Variants in CEP112 observed in about 807,000 individuals in gnomAD.
CEP112 encodes centrosomal protein 112, also known as centrosomal protein of 112 kDa.
A neutral mutation model predicts 153.0 loss-of-function variants in CEP112; 127 were observed. The observed-to-expected ratio is 0.83, with a 90% CI of 0.72 to 0.96. CEP112 has a LOEUF of 0.96. CEP112 is among the 40% of genes least tolerant of loss of function. The pLI is 0.00. For missense variants in CEP112, 1,089 were observed against 1,101.2 expected (o/e 0.99, Z 0.16); for synonymous variants, 358 against 374.4 (o/e 0.96, Z 0.51).
intron 8 of CEP112, among the ~76,000 whole-genome samples, chr17:66,075,070 T>C (rs2067442270): frequency 6.6e-6 from 1 of 152,016 alleles, no homozygotes; most frequent in South Asian, 2.1e-4. Flanking sequence ...GTAAAAGGTA[T>C]TCTTAAAGAT....
chr17:65,913,679 C>T (rs1191438134), intron 19 of CEP112: 18 of 985,250 alleles, frequency 1.8e-5, no homozygotes, highest in Non-Finnish European at 2.0e-5. Context: ...GGTACCAGGG[C>T]CTGCCAGCAT....
At chr17:65,664,112 C>T (rs4791140) in intron 24 of CEP112, among the ~76,000 whole-genome samples, 28,091 of 152,120 alleles carry the variant, frequency 0.18, 3,220 homozygotes, top group East Asian at 0.43. Context: ...CTCAGTATAA[C>T]AGACATTTGG....
At chr17:65,966,586 C>T (rs2062423411) in intron 17 of CEP112, among the ~76,000 whole-genome samples, 1 of 152,180 alleles carries the variant, frequency 6.6e-6, no homozygotes, top group Non-Finnish European at 1.5e-5. Flanking sequence ...ATGCCCTTTC[C>T]AGCTGGGCTG....
intron 1 of CEP112, among the ~76,000 whole-genome samples, chr17:66,190,771 A>G (rs902421991): frequency 7.9e-5 from 12 of 152,162 alleles, no homozygotes; most frequent in African/African-American, 2.9e-4. Context: ...TACCTACCCT[A>G]CAGTCAGCAA....
chr17:65,743,330 T>C (rs1415726782), intron 22 of CEP112, 113 bp from the exon 23 acceptor site: 2 of 778,498 alleles, frequency 2.6e-6, no homozygotes, highest in African/African-American at 3.5e-5. Flanking sequence ...TTCCACAAAT[T>C]AAATATTTTC....
chr17:65,817,156 C>T (rs1050309370), intron 21 of CEP112, among the ~76,000 whole-genome samples: 10 of 151,782 alleles, frequency 6.6e-5, no homozygotes, highest in African/African-American at 2.4e-4. Context: ...ATATATTATA[C>T]AAAATTAATT....
intron 8 of CEP112, among the ~76,000 whole-genome samples, chr17:66,072,578 A>T (rs367826102): frequency 3.3e-5 from 5 of 152,316 alleles, no homozygotes; most frequent in Admixed American, 6.5e-5. Context: ...GGCAAGAATG[A>T]CACTAAAGTG....
chr17:65,645,949 C>G (rs1451191146), intron 24 of CEP112, among the ~76,000 whole-genome samples: 1 of 152,204 alleles, frequency 6.6e-6, no homozygotes, highest in Non-Finnish European at 1.5e-5. Flanking sequence ...TACACTTTGA[C>G]CAAATCTATG....
chr17:66,159,662 TA>T (rs2071609947), intron 4 of CEP112, among the ~76,000 whole-genome samples: 2 of 152,162 alleles, frequency 1.3e-5, no homozygotes, highest in Non-Finnish European at 2.9e-5. Context: ...CCCTTCATGC[TA>T]AAAACTCTCA....
intron 12 of CEP112, among the ~76,000 whole-genome samples, chr17:66,032,048 G>A (rs1185657724): frequency 6.6e-6 from 1 of 152,038 alleles, no homozygotes; most frequent in Non-Finnish European, 1.5e-5. Flanking sequence ...AGATGGAGTT[G>A]CACTCTGTCC....
At chr17:66,132,021 T>C (rs2070193028) in intron 5 of CEP112, among the ~76,000 whole-genome samples, 1 of 150,938 alleles carries the variant, frequency 6.6e-6, no homozygotes, top group African/African-American at 2.4e-5. Context: ...ATACAAAAAT[T>C]AGCCAGGCAT....
Position 65,750,707 on chromosome 17 carries a change from C to T in CEP112, c.2412G>A (p.Lys804=). Residue 804 remains lysine, a synonymous_variant, in exon 22 of 27, where the codon AAG becomes AAA. Transcript: ENST00000535342. ...TCTGAGTGTATTCCTTCTCAATCTG[C>T]TTCAGCTTGCTGTTGGCCTGAAAAA... is the stretch of plus-strand genomic sequence containing the variant. ...MTLEKANSKL[K]QIEKEYTQKL... is the part of the protein sequence containing the mutation. 1.2e-6 allele frequency: 2 copies of T among 1,614,042 alleles called. No individual in the cohort carries two copies. Among genetic ancestry groups the T allele is most frequent in the Middle Eastern group, 1.6e-4 (1 of 6,062 alleles).
At chr17:66,137,026 CA>C (rs1246798272) in intron 4 of CEP112, among the ~76,000 whole-genome samples, 1 of 152,040 alleles carries the variant, frequency 6.6e-6, no homozygotes, top group African/African-American at 2.4e-5. Context: ...CTCCAGAAAC[CA>C]ACCCTAAAGA....
At chr17:65,931,422 G>A (rs1264389973) in intron 18 of CEP112, among the ~76,000 whole-genome samples, 1 of 152,144 alleles carries the variant, frequency 6.6e-6, no homozygotes, top group East Asian at 1.9e-4. Context: ...GATTCCCCTG[G>A]GCCCATGGTT....
intron 6 of CEP112, among the ~76,000 whole-genome samples, chr17:66,110,561 A>T (rs1180211789): frequency 5.3e-5 from 8 of 151,984 alleles, no homozygotes. Flanking sequence ...ATATATAATA[A>T]ATTCCCAATG....
chr17:65,831,149 A>G (rs1346966463), intron 21 of CEP112, among the ~76,000 whole-genome samples: 1 of 152,244 alleles, frequency 6.6e-6, no homozygotes, highest in African/African-American at 2.4e-5. Context: ...ATAAAGATGC[A>G]AGGATTGTGA....
chr17:66,009,002 T>C (rs538681052), intron 16 of CEP112, among the ~76,000 whole-genome samples: 5 of 152,304 alleles, frequency 3.3e-5, no homozygotes, highest in Middle Eastern at 3.4e-3. Context: ...GGAGTGTAGA[T>C]ATCTCTTAAA....
At chr17:65,830,556 T>C (rs2057032914) in intron 21 of CEP112, among the ~76,000 whole-genome samples, 2 of 152,178 alleles carry the variant, frequency 1.3e-5, no homozygotes, top group Non-Finnish European at 2.9e-5. Flanking sequence ...CTTGAACTAG[T>C]GCATGGATCT....
intron 1 of CEP112, 108 bp from the exon 2 acceptor site, chr17:66,183,415 C>A: frequency 3.1e-6 from 2 of 640,604 alleles, no homozygotes; most frequent in South Asian, 4.9e-5. Flanking sequence ...CAGTTCTCCC[C>A]AAATTGACCT....
Sources: gnomAD v4.1 joint callset for allele counts (sites outside exome capture counted in the v4.1 genomes callset) on GRCh38, gnomAD v4.1.1 for gene constraint, MANE v1.5 for transcripts, NCBI Gene and HGNC (gene_info 2026-07-23, HGNC 2026-07-21) for gene names.